The following GTPBP10 variants were observed in gnomAD, a reference collection of about 807,000 sequenced individuals.
GTPBP10 encodes the protein GTP binding protein 10.
GTPBP10 carries 38 observed loss-of-function variants against 44.8 expected under a neutral mutation model. That is an observed-to-expected ratio of 0.85 (90% CI 0.65 to 1.11). The LOEUF is 1.11. GTPBP10 is among the 50% of genes most tolerant of loss of function. The probability of loss-of-function intolerance (pLI) is 0.00; values close to 1 mark genes in which losing one functional copy is unlikely to be tolerated. For synonymous variants in GTPBP10, 152 were observed against 150.6 expected (o/e 1.01, Z -0.07); for missense variants, 462 against 453.7 (o/e 1.02, Z -0.17).
At chr7:90,370,338 GTGTGTGTGTGTGTGTGTGTGTA>G (rs1211247222) in intron 4 of GTPBP10, among the ~76,000 whole-genome samples, 2 of 128,244 alleles carry the variant, frequency 1.6e-5, no homozygotes, top group Non-Finnish European at 3.3e-5. Flanking sequence ...AAAATTGAGT[GTGTGTGTGTGTGTGTGTGTGTA>G]TCTATATATA....
At chr7:90,350,991 G>A (rs1198901363) in intron 1 of GTPBP10, among the ~76,000 whole-genome samples, 1 of 152,178 alleles carries the variant, frequency 6.6e-6, no homozygotes, top group Non-Finnish European at 1.5e-5. Context: ...AGAGAACTGT[G>A]AGAGATTACT....
chr7:90,377,490 A>T lies in GTPBP10; in HGVS notation c.592-17A>T, dbSNP rs1372147795. ...CATACATTTTCCTTTTTCATTAACCATTTAACTTTGTATTAGATATCAGTA... is the reference window on the plus strand; with the variant it reads ...CATACATTTTCCTTTTTCATTAACCTTTTAACTTTGTATTAGATATCAGTA... On this transcript the variant is annotated splice_polypyrimidine_tract_variant and intron_variant, in intron 6 of 9. Coordinates refer to ENST00000222511, the MANE Select transcript of GTPBP10 (RefSeq NM_033107.4). The T allele has an allele frequency of 4.5e-6, 7 of 1,547,832 alleles. No homozygotes were observed. The highest frequency in any genetic ancestry group is 6.2e-6 in the Non-Finnish European group (7 of 1,135,096).
At chr7:90,347,961 G>A (rs17866330) in intron 1 of GTPBP10, among the ~76,000 whole-genome samples, 2,603 of 152,256 alleles carry the variant, frequency 0.017, 69 homozygotes, top group African/African-American at 0.058. Flanking sequence ...GGCATGGTAG[G>A]TGAGCCTATT....
intron 4 of GTPBP10, among the ~76,000 whole-genome samples, chr7:90,362,124 CT>C (rs1796035629): frequency 6.6e-6 from 1 of 151,476 alleles, no homozygotes; most frequent in Non-Finnish European, 1.5e-5. Context: ...TTTTGTGTCT[CT>C]ATTTCCTTCA....
intron 8 of GTPBP10, among the ~76,000 whole-genome samples, chr7:90,380,010 ATTAT>A (rs1277839073): frequency 7.0e-6 from 1 of 142,404 alleles, no homozygotes; most frequent in African/African-American, 2.6e-5. Flanking sequence ...TACTATTTGT[ATTAT>A]TTGTCTTTTA....
intron 4 of GTPBP10, among the ~76,000 whole-genome samples, chr7:90,362,431 A>G (rs1796042278): frequency 2.0e-5 from 3 of 152,130 alleles, no homozygotes. Context: ...GTTTCCATGT[A>G]GTTGAGTGAT....
chr7:90,391,134 GAAC>G lies in GTPBP10; in HGVS notation c.*5983_*5985del, dbSNP rs1267036980. On this transcript the variant is annotated 3_prime_UTR_variant, in exon 10 of 10. Coordinates refer to ENST00000222511, the MANE Select transcript of GTPBP10 (RefSeq NM_033107.4). ...ACTCTGGGGTCAAGAGAAATTGTAA[GAAC>G]AATAAAATGAGCACACATGACCTTC... 1 of 152,122 alleles carries G rather than the reference GAAC, an allele frequency of 6.6e-6. No homozygotes were observed. The highest frequency in any genetic ancestry group is 2.4e-5 in the African/African-American group (1 of 41,406). 9.4% of individuals were successfully genotyped at this position (152,122 alleles called of 1,614,324 possible).
chr7:90,357,728 T>C (rs1795932674), intron 4 of GTPBP10, among the ~76,000 whole-genome samples: 1 of 152,168 alleles, frequency 6.6e-6, no homozygotes, highest in Non-Finnish European at 1.5e-5. Context: ...ATAAATTTAA[T>C]GAAAATATAT....
intron 4 of GTPBP10, among the ~76,000 whole-genome samples, chr7:90,369,965 C>G (rs1486282683): frequency 6.6e-6 from 1 of 152,120 alleles, no homozygotes; most frequent in African/African-American, 2.4e-5. Flanking sequence ...TTAACTCTTA[C>G]AAAGACGTAC....
In GTPBP10 at chr7:90,390,520, CAGGTA is replaced by C. The variant is rs1375771237; in HGVS notation, c.*5369_*5373del. ...TAGAAATTAAATTCTTTGGGATGTA[CAGGTA>C]AGATAAGCTATGTGAAGCATAGCTG... On this transcript the variant is annotated 3_prime_UTR_variant, in exon 10 of 10. Transcript: ENST00000222511. 7 of 152,072 alleles carry C rather than the reference CAGGTA, an allele frequency of 4.6e-5. No homozygotes were observed. Among genetic ancestry groups the C allele is most frequent in the Non-Finnish European group, 4.4e-5 (3 of 68,016 alleles). 9.4% of individuals were successfully genotyped at this position (152,072 alleles called of 1,614,324 possible).
chr7:90,352,358 T>C (rs951375606), intron 1 of GTPBP10, among the ~76,000 whole-genome samples: 7 of 152,260 alleles, frequency 4.6e-5, no homozygotes, highest in African/African-American at 1.4e-4. Flanking sequence ...TCAACTGATA[T>C]GTAAGAACAA....
chr7:90,353,807 C>T (rs1584628093), intron 2 of GTPBP10, among the ~76,000 whole-genome samples: 1 of 146,636 alleles, frequency 6.8e-6, no homozygotes. Flanking sequence ...GGTGGATTTT[C>T]TTTTTTTTTT....
At chr7:90,377,026 G>C (rs533649868) in intron 6 of GTPBP10, among the ~76,000 whole-genome samples, 23 of 152,286 alleles carry the variant, frequency 1.5e-4, no homozygotes, top group African/African-American at 5.5e-4. Flanking sequence ...GAGTTTGAGA[G>C]CAGCCTGTGC....
Position 90,354,445 on chromosome 7 carries a change from T to A in GTPBP10, c.228-13T>A. ...ACACACATACATACATATATATACT[T>A]TTTTTTTGGTAGAATTAGTGCACTG... On this transcript the variant is annotated splice_polypyrimidine_tract_variant and intron_variant, in intron 2 of 9. Coordinates refer to ENST00000222511, the MANE Select transcript of GTPBP10 (RefSeq NM_033107.4). The A allele has an allele frequency of 7.0e-7, 1 of 1,434,100 alleles. No homozygotes were observed. Among genetic ancestry groups the A allele is most frequent in the Non-Finnish European group, 9.6e-7 (1 of 1,040,948 alleles). The allele number at this position is 1,434,100 out of a possible 1,614,324, so 88.8% of individuals were successfully genotyped here. A position where few individuals can be genotyped will look rare whatever the true frequency, so the allele number is the denominator to read the frequency against.
At chr7:90,347,117 T>G (rs1166090306) in intron 1 of GTPBP10, among the ~76,000 whole-genome samples, 1 of 152,122 alleles carries the variant, frequency 6.6e-6, no homozygotes, top group Non-Finnish European at 1.5e-5. Context: ...TTTATATATT[T>G]CTCCTTGAGT....
rs781447329 is a variant in GTPBP10 at position 90,346,732 on chromosome 7, T to C, written c.-10T>C. On this transcript the variant is annotated 5_prime_UTR_variant, in exon 1 of 10. Coordinates refer to ENST00000222511, the MANE Select transcript of GTPBP10 (RefSeq NM_033107.4). ...GCTTCCGCAAGAAGGTTTCCTGGCC[T>C]GTTGCAGCCATGGTGCATTGCAGTT... 1.3e-5 allele frequency: 21 copies of C among 1,614,106 alleles called. No homozygotes were observed. Among genetic ancestry groups the C allele is most frequent in the Non-Finnish European group, 1.7e-5 (20 of 1,180,034 alleles).
chr7:90,350,007 G>T (rs1047238329), intron 1 of GTPBP10, among the ~76,000 whole-genome samples: 6 of 151,936 alleles, frequency 3.9e-5, no homozygotes, highest in African/African-American at 1.4e-4. Flanking sequence ...GTGCCATGTT[G>T]GTTTGCTGCA....
chr7:90,369,474 C>T lies in GTPBP10; in HGVS notation c.465-2681C>T, dbSNP rs188395661. Among the ~76,000 whole-genome samples, 806 of 152,320 alleles carry T rather than the reference C, an allele frequency of 5.3e-3. 5 individuals are homozygous for T. Among genetic ancestry groups the T allele is most frequent in the African/African-American group, 0.017 (705 of 41,562 alleles). ...CCACCCATTTCGAGCTTCCAGGCCTCTTTGTTTACACTGTCAGCACAAAAC... is the reference window on the plus strand; with the variant it reads ...CCACCCATTTCGAGCTTCCAGGCCTTTTTGTTTACACTGTCAGCACAAAAC... On this transcript the variant is annotated intron_variant, in intron 4 of 9. Coordinates refer to ENST00000222511, the MANE Select transcript of GTPBP10 (RefSeq NM_033107.4).
intron 6 of GTPBP10, among the ~76,000 whole-genome samples, chr7:90,377,165 A>G (rs989982980): frequency 2.0e-5 from 3 of 152,194 alleles, no homozygotes; most frequent in Admixed American, 6.5e-5. Flanking sequence ...TTGAGGCTAC[A>G]GTGATCTATG....
Sources: gnomAD v4.1 joint callset for allele counts (sites outside exome capture counted in the v4.1 genomes callset) on GRCh38, gnomAD v4.1.1 for gene constraint, MANE v1.5 for transcripts, NCBI Gene and HGNC (gene_info 2026-07-23, HGNC 2026-07-21) for gene names.